The following DNAH11 variants were observed in gnomAD, a reference collection of about 807,000 sequenced individuals.
DNAH11 encodes axonemal beta dynein heavy chain 11.
DNAH11 carries 442 observed loss-of-function variants against 526.0 expected under a neutral mutation model. The ratio of observed to expected loss-of-function variants is 0.84; its 90% CI spans 0.78 to 0.91. The LOEUF is 0.91. Among genes scored for constraint, DNAH11 ranks in the 40% least tolerant of loss-of-function variants. The probability of loss-of-function intolerance (pLI) is 0.00; values close to 1 mark genes in which losing one functional copy is unlikely to be tolerated. For missense variants in DNAH11, 6,989 were observed against 5,448.7 expected, an observed-to-expected ratio of 1.28 and a Z score of -8.90; for synonymous variants, 2,461 against 1,935.9, an observed-to-expected ratio of 1.27 and a Z score of -7.12.
chr7:21,748,149 G>T (rs1218360839), intron 51 of DNAH11, among the ~76,000 whole-genome samples: 1 of 70,226 alleles, frequency 1.4e-5, no homozygotes, highest in Non-Finnish European at 2.9e-5. Context: ...GTAAAAACTG[G>T]AATTTAGTCT....
intron 63 of DNAH11, among the ~76,000 whole-genome samples, chr7:21,810,523 CAGG>C: frequency 6.6e-6 from 1 of 152,172 alleles, no homozygotes; most frequent in East Asian, 1.9e-4. Context: ...AAATTGAAAT[CAGG>C]AGAACAGTTT....
In DNAH11 at chr7:21,543,395, G is replaced by A. The variant is rs1464682282; in HGVS notation, c.150G>A (p.Ala50=). The part of the protein sequence containing the change: ...ENEEEAAARR[A]RSFAQDARVR... ...AGGAGGAGGCGGCGGCCAGGAGAGC[G>A]CGGAGTTTCGCCCAAGACGCGCGGG... The change falls in exon 1 of 82, where the codon GCG becomes GCA. Residue 50 remains alanine (A), a synonymous_variant. Transcript: ENST00000409508. The A allele has an allele frequency of 2.6e-6, 4 of 1,552,658 alleles. No individual in the cohort carries two copies. The highest frequency in any genetic ancestry group is 3.5e-6 in the Non-Finnish European group (4 of 1,147,412).
chr7:21,714,780 T>C (rs1282618715), intron 42 of DNAH11, among the ~76,000 whole-genome samples: 2 of 152,316 alleles, frequency 1.3e-5, no homozygotes, highest in East Asian at 1.9e-4. Context: ...TTCTCTGGCA[T>C]AGAGGCACAT....
chr7:21,574,997 T>C (rs1562672438), intron 8 of DNAH11, among the ~76,000 whole-genome samples: 1 of 148,996 alleles, frequency 6.7e-6, no homozygotes, highest in Non-Finnish European at 1.5e-5. Flanking sequence ...GCCTCAGCCT[T>C]CTGAGTAGCT....
In DNAH11 at chr7:21,600,852, G is replaced by A. The variant is rs774076108; in HGVS notation, c.3177G>A (p.Val1059=). Reference sequence around the variant, plus strand: ...ATTTTCTCTTGTATGGCCATGCTGTGTCTTCCGATGAAATGGATGCTCATG... The same window carrying A: ...ATTTTCTCTTGTATGGCCATGCTGTATCTTCCGATGAAATGGATGCTCATG... The part of the protein sequence containing the change: ...MKHFLLYGHA[V]SSDEMDAHAN... Residue 1059 remains valine, a synonymous_variant, in exon 16 of 82, where the codon GTG becomes GTA. Coordinates refer to ENST00000409508, the MANE Select transcript of DNAH11 (RefSeq NM_001277115.2). The A allele has an allele frequency of 9.3e-6, 15 of 1,613,830 alleles. No homozygotes were observed. Among genetic ancestry groups the A allele is most frequent in the Non-Finnish European group, 1.3e-5 (15 of 1,179,874 alleles).
intron 28 of DNAH11, among the ~76,000 whole-genome samples, chr7:21,645,538 A>T (rs1787316186): frequency 6.6e-6 from 1 of 152,124 alleles, no homozygotes; most frequent in Non-Finnish European, 1.5e-5. Flanking sequence ...TGGAACTTGA[A>T]AGAAGGAGAG....
At chr7:21,897,836 C>G (rs1486610928) in intron 79 of DNAH11, among the ~76,000 whole-genome samples, 5 of 152,190 alleles carry the variant, frequency 3.3e-5, no homozygotes, top group East Asian at 1.9e-4. Context: ...AGGCTGGTCT[C>G]GAACACCTGA....
chr7:21,900,849 T>TC, intron 81 of DNAH11, 158 bp from the exon 82 acceptor site: 1 of 1,269,480 alleles, frequency 7.9e-7, no homozygotes, highest in East Asian at 2.5e-5. Flanking sequence ...AACCTACCTT[T>TC]CAAAGCTCAG....
chr7:21,831,979 A>C (rs1010906988), intron 65 of DNAH11, among the ~76,000 whole-genome samples: 1 of 151,856 alleles, frequency 6.6e-6, no homozygotes, highest in South Asian at 2.1e-4. Context: ...AGTCCCAGCT[A>C]CTCGGGAGGC....
chr7:21,617,540 A>G, intron 22 of DNAH11, 79 bp from the exon 23 acceptor site: 1 of 1,493,222 alleles, frequency 6.7e-7, no homozygotes, highest in East Asian at 2.4e-5. Context: ...GTTGGGAAAT[A>G]TATGTCAAAG....
intron 45 of DNAH11, among the ~76,000 whole-genome samples, chr7:21,732,625 G>A (rs1450775496): frequency 6.6e-6 from 1 of 152,170 alleles, no homozygotes; most frequent in Admixed American, 6.5e-5. Context: ...CCCTAACAAT[G>A]AGGAAATTTA....
chr7:21,717,520 T>C (rs544684849), intron 42 of DNAH11, among the ~76,000 whole-genome samples: 3 of 152,300 alleles, frequency 2.0e-5, no homozygotes, highest in Admixed American at 1.3e-4. Flanking sequence ...GGTCTACTTA[T>C]ATTCCATTAT....
At chr7:21,655,750 C>A in intron 28 of DNAH11, 82 bp from the exon 29 acceptor site, 2 of 1,390,740 alleles carry the variant, frequency 1.4e-6, no homozygotes, top group Non-Finnish European at 2.0e-6. Flanking sequence ...CGTTTCATGA[C>A]TTCATATGGC....
At chr7:21,731,847 G>A (rs7800783) in intron 45 of DNAH11, among the ~76,000 whole-genome samples, 8,759 of 152,244 alleles carry the variant, frequency 0.058, 455 homozygotes, top group African/African-American at 0.13. Flanking sequence ...GTACTGCAAT[G>A]CTTGCGTTCA....
chr7:21,670,346 A>C (rs1427308285), intron 30 of DNAH11, among the ~76,000 whole-genome samples: 5 of 152,066 alleles, frequency 3.3e-5, no homozygotes, highest in Non-Finnish European at 7.4e-5. Context: ...TGGCTGGTAC[A>C]TAGAAATTTA....
At chr7:21,804,061 C>A (rs1789129885) in intron 62 of DNAH11, among the ~76,000 whole-genome samples, 1 of 150,858 alleles carries the variant, frequency 6.6e-6, no homozygotes. Flanking sequence ...TAGGTGATAG[C>A]CTCATTTCTT....
At chr7:21,810,660 G>A (rs1467170804) in intron 63 of DNAH11, among the ~76,000 whole-genome samples, 1 of 152,076 alleles carries the variant, frequency 6.6e-6, no homozygotes, top group Non-Finnish European at 1.5e-5. Context: ...TATAATCACA[G>A]TAATAAAGCT....
chr7:21,843,314 T>G (rs1782287178), intron 66 of DNAH11, among the ~76,000 whole-genome samples: 1 of 151,620 alleles, frequency 6.6e-6, no homozygotes, highest in Admixed American at 6.6e-5. Flanking sequence ...ATTAACAAAA[T>G]AAAAAAGCTA....
chr7:21,697,107 C>T (rs1200006657), intron 35 of DNAH11, among the ~76,000 whole-genome samples: 1 of 152,078 alleles, frequency 6.6e-6, no homozygotes, highest in Non-Finnish European at 1.5e-5. Context: ...ATGAAGTAGA[C>T]TGCAATTATA....
Sources: allele counts gnomAD v4.1 joint callset (sites outside exome capture counted in the v4.1 genomes callset), GRCh38; gene constraint gnomAD v4.1.1; transcripts MANE v1.5; gene names NCBI Gene and HGNC (gene_info 2026-07-23, HGNC 2026-07-21).